Variants in XYLT1 observed in about 807,000 individuals in gnomAD.
XYLT1 encodes the protein beta-D-xylosyltransferase 1.
A neutral mutation model predicts 91.3 loss-of-function variants in XYLT1; 36 were observed. The observed-to-expected ratio is 0.39, with a 90% CI of 0.30 to 0.52. The LOEUF (loss-of-function observed/expected upper bound fraction) is 0.52. Ranked by LOEUF, XYLT1 falls within the 20% of genes least tolerant of loss-of-function variation. The probability of loss-of-function intolerance (pLI) is 0.68; values close to 1 mark genes in which losing one functional copy is unlikely to be tolerated. For synonymous variants in XYLT1, 588 were observed against 532.0 expected, an observed-to-expected ratio of 1.11 and a Z score of -1.45; for missense variants, 1,242 against 1,284.5, an observed-to-expected ratio of 0.97 and a Z score of 0.51.
At chr16:17,460,241 A>G (rs1218554068) in intron 1 of XYLT1, among the ~76,000 whole-genome samples, 1 of 152,174 alleles carries the variant, frequency 6.6e-6, no homozygotes, top group Non-Finnish European at 1.5e-5. Context: ...TTGGGGGACA[A>G]GGTCACGGGA....
chr16:17,383,967 C>T (rs1383814143), intron 1 of XYLT1, among the ~76,000 whole-genome samples: 3 of 151,772 alleles, frequency 2.0e-5, no homozygotes, highest in African/African-American at 7.2e-5. Flanking sequence ...AGGCTGGTCT[C>T]GCCCTCCTGA....
At chr16:17,465,595 G>A (rs1277543775) in intron 1 of XYLT1, among the ~76,000 whole-genome samples, 1 of 146,956 alleles carries the variant, frequency 6.8e-6, no homozygotes, top group Non-Finnish European at 1.5e-5. Flanking sequence ...CCTAACGTAT[G>A]CAAAATACCT....
At chr16:17,418,342 A>G (rs1255859288) in intron 1 of XYLT1, among the ~76,000 whole-genome samples, 1 of 152,190 alleles carries the variant, frequency 6.6e-6, no homozygotes, top group Non-Finnish European at 1.5e-5. Context: ...CTGGATTTAT[A>G]CCCGTTTATA....
At position 17,463,340 on chromosome 16, in the gene XYLT1, C is replaced by A. The variant is rs868809481; in HGVS notation, c.363+7094G>T. 2.0e-5 allele frequency among the ~76,000 whole-genome samples: 3 copies of A among 151,922 alleles called. No individual in the cohort carries two copies. In the South Asian group the frequency reaches 6.2e-4, roughly 32 times the overall value. On this transcript the variant is annotated intron_variant, in intron 1 of 11. Transcript: ENST00000261381. ...ACCCATCTGACAAGGGATTAATAAC[C>A]AAAATATATAAAGAACTCAAACAAC...
At chr16:17,293,092 C>T (rs1207207663) in intron 2 of XYLT1, among the ~76,000 whole-genome samples, 2 of 152,186 alleles carry the variant, frequency 1.3e-5, no homozygotes, top group African/African-American at 4.8e-5. Context: ...CTTTAGCTAA[C>T]CCGTAAAGCG....
chr16:17,464,247 G>T (rs1411665291), intron 1 of XYLT1, among the ~76,000 whole-genome samples: 2 of 152,176 alleles, frequency 1.3e-5, no homozygotes, highest in East Asian at 3.8e-4. Flanking sequence ...CCAGCACTTT[G>T]GGAGGCCAAG....
chr16:17,192,299 A>G lies in XYLT1; in HGVS notation c.1289+5913T>C, dbSNP rs188819339. Among the ~76,000 whole-genome samples, 53 of 151,902 alleles carry G rather than the reference A, an allele frequency of 3.5e-4. 1 individual carries two copies. Among genetic ancestry groups the G allele is most frequent in the African/African-American group, 1.2e-3 (50 of 41,424 alleles). Reference sequence around the variant, plus strand: ...TTTTTAGTAGAGATGGGGTTTTACCATATCGGCCAGGCTGGTCTCAGACTC... The same window carrying G: ...TTTTTAGTAGAGATGGGGTTTTACCGTATCGGCCAGGCTGGTCTCAGACTC... On this transcript the variant is annotated intron_variant, in intron 5 of 11. Coordinates refer to ENST00000261381, the MANE Select transcript of XYLT1 (RefSeq NM_022166.4).
At chr16:17,284,714 C>T (rs147974405) in intron 2 of XYLT1, among the ~76,000 whole-genome samples, 1,920 of 152,074 alleles carry the variant, frequency 0.013, 21 homozygotes, top group Non-Finnish European at 0.019. Flanking sequence ...CCCAGGAGTT[C>T]GAGGCTGCAG....
At chr16:17,453,255 T>A (rs1290390716) in intron 1 of XYLT1, among the ~76,000 whole-genome samples, 2 of 152,236 alleles carry the variant, frequency 1.3e-5, no homozygotes, top group Non-Finnish European at 2.9e-5. Flanking sequence ...TCCTTAAGTT[T>A]GTTCATCGCA....
chr16:17,297,113 T>C (rs1471423334), intron 2 of XYLT1, among the ~76,000 whole-genome samples: 1 of 152,204 alleles, frequency 6.6e-6, no homozygotes, highest in Admixed American at 6.5e-5. Context: ...GATATTCCAT[T>C]TTCATATGAA....
At chr16:17,269,413 G>A (rs2033854032) in intron 2 of XYLT1, among the ~76,000 whole-genome samples, 1 of 152,012 alleles carries the variant, frequency 6.6e-6, no homozygotes, top group Admixed American at 6.6e-5. Context: ...CAAACTCCTA[G>A]GCTCAGGCAA....
chr16:17,357,293 C>T (rs2035315872), intron 2 of XYLT1, among the ~76,000 whole-genome samples: 1 of 151,010 alleles, frequency 6.6e-6, no homozygotes, highest in Non-Finnish European at 1.5e-5. Context: ...TGGGCACTAT[C>T]ACTGGGATGA....
At chr16:17,437,202 T>C (rs2036469463) in intron 1 of XYLT1, among the ~76,000 whole-genome samples, 1 of 151,824 alleles carries the variant, frequency 6.6e-6, no homozygotes, top group South Asian at 2.1e-4. Context: ...CCAATTATGA[T>C]AAGGAAAAAA....
At chr16:17,427,188 G>A (rs2036329652) in intron 1 of XYLT1, among the ~76,000 whole-genome samples, 1 of 152,256 alleles carries the variant, frequency 6.6e-6, no homozygotes, top group Non-Finnish European at 1.5e-5. Context: ...CCACGGAAGA[G>A]AAGGGACGAT....
At chr16:17,261,241 CAAAAA>C (rs10573500) in intron 2 of XYLT1, among the ~76,000 whole-genome samples, 3 of 96,412 alleles carry the variant, frequency 3.1e-5, no homozygotes, top group Non-Finnish European at 4.2e-5. Flanking sequence ...AACTGGCTCT[CAAAAA>C]AAAAAAAAAA....
At chr16:17,444,676 A>G (rs576547576) in intron 1 of XYLT1, among the ~76,000 whole-genome samples, 112 of 152,294 alleles carry the variant, frequency 7.4e-4, no homozygotes, top group Non-Finnish European at 1.3e-3. Context: ...CTAGGAGAGC[A>G]TGCTGCACAT....
rs1297200789 is a variant in XYLT1, at chr16:17,104,073, C to G, written c.*4622G>C. 2 of 152,862 alleles carry G rather than the reference C, an allele frequency of 1.3e-5. No individual in the cohort carries two copies. Among genetic ancestry groups the G allele is most frequent in the Non-Finnish European group, 2.9e-5 (2 of 68,266 alleles). 9.5% of individuals were successfully genotyped at this position (152,862 alleles called of 1,614,324 possible). ...CTCAGCAGACACAATGAGGTAGCGC[C>G]TGTGGTAGACCCATGGGCAAAGTAA... On this transcript the variant is annotated 3_prime_UTR_variant, in exon 12 of 12. Transcript: ENST00000261381.
At chr16:17,137,006 C>G (rs1204716827) in intron 8 of XYLT1, among the ~76,000 whole-genome samples, 2 of 152,236 alleles carry the variant, frequency 1.3e-5, no homozygotes, top group African/African-American at 2.4e-5. Context: ...ATAGGTCAAA[C>G]AAACATTCCC....
chr16:17,295,339 TTTGTTTTG>T (rs1481700679), intron 2 of XYLT1, among the ~76,000 whole-genome samples: 2 of 148,128 alleles, frequency 1.4e-5, no homozygotes, highest in Admixed American at 7.2e-5. Context: ...AGGTTTTTGT[TTTGTTTTG>T]TTTTGTTTTG....
Sources: gnomAD v4.1 joint callset for allele counts (sites outside exome capture counted in the v4.1 genomes callset) on GRCh38, gnomAD v4.1.1 for gene constraint, MANE v1.5 for transcripts, NCBI Gene and HGNC (gene_info 2026-07-23, HGNC 2026-07-21) for gene names.